Variants in C1QTNF2 observed in about 807,000 individuals in gnomAD.
C1QTNF2 encodes the protein complement C1q tumor necrosis factor-related protein 2.
C1QTNF2 carries 15 observed loss-of-function variants against 17.4 expected under a neutral mutation model. The observed-to-expected ratio is 0.86, with a 90% CI of 0.58 to 1.33. The LOEUF (loss-of-function observed/expected upper bound fraction) is 1.33. Ranked by LOEUF, C1QTNF2 falls within the 40% of genes most tolerant of loss-of-function variation. C1QTNF2 has a pLI of 0.00. For synonymous variants in C1QTNF2, 154 were observed against 163.3 expected, an observed-to-expected ratio of 0.94 and a Z score of 0.44; for missense variants, 381 against 392.3, an observed-to-expected ratio of 0.97 and a Z score of 0.24.
chr5:160,354,596 AAGTATATATATATAT>A (rs1329491603), intron 2 of C1QTNF2, among the ~76,000 whole-genome samples, 157 bp downstream of exon 2: 3 of 49,898 alleles, frequency 6.0e-5, no homozygotes, highest in South Asian at 6.0e-4. Flanking sequence ...AAAAAAAAAA[AAGTATATATATATAT>A]ATATATATAT....
intron 1 of C1QTNF2, chr5:160,355,278 A>G: frequency 4.1e-6 from 4 of 983,736 alleles, no homozygotes; most frequent in Non-Finnish European, 4.8e-6. Context: ...TCATCAGACC[A>G]TCATCTTCCA....
In C1QTNF2 at chr5:160,354,796, G is replaced by A. The variant is rs756923230; in HGVS notation, c.216C>T (p.Asp72=). 13 of 1,613,534 alleles carry A rather than the reference G, an allele frequency of 8.1e-6. No individual in the cohort carries two copies. The African/African-American group carries it at 1.2e-4, about 15-fold the overall frequency. The change falls in exon 2 of 3, where the codon GAC becomes GAT. Residue 72 remains aspartate (D), a synonymous_variant. Coordinates refer to ENST00000652664, the MANE Select transcript of C1QTNF2 (RefSeq NM_031908.6). ...FPGKDGQDGH[D]GDRGDSGEEG... ...CCTCTCCGCTGTCCCCCCGGTCGCCGTCGTGTCCATCTTGGCCGTCTTTGC... is the reference window on the plus strand; with the variant it reads ...CCTCTCCGCTGTCCCCCCGGTCGCCATCGTGTCCATCTTGGCCGTCTTTGC...
chr5:160,363,232 A>C (rs1186145340), intron 1 of C1QTNF2, among the ~76,000 whole-genome samples: 1 of 152,244 alleles, frequency 6.6e-6, no homozygotes, highest in Non-Finnish European at 1.5e-5. Context: ...AGTAAATTGG[A>C]AACAGTCCTC....
In C1QTNF2 at chr5:160,358,649, C is replaced by T. The variant is rs143487128; in HGVS notation, c.-9-3629G>A. 2.0e-4 allele frequency among the ~76,000 whole-genome samples: 30 copies of T among 152,104 alleles called. 1 individual carries two copies. The East Asian group carries it at 5.8e-3, about 29-fold the overall frequency. On this transcript the variant is annotated intron_variant, in intron 1 of 2. Transcript: ENST00000652664. ...ACTCTCAGCTAGCACCTTTTAAATA[C>T]ATTTAGAATCAAGAACTTGGGGAGG...
intron 1 of C1QTNF2, among the ~76,000 whole-genome samples, chr5:160,363,718 G>T (rs529047461): frequency 1.3e-5 from 2 of 152,322 alleles, no homozygotes; most frequent in Non-Finnish European, 2.9e-5. Flanking sequence ...AGCCTCAGCT[G>T]CCTCCTCTGC....
intron 2 of C1QTNF2, among the ~76,000 whole-genome samples, 171 bp downstream of exon 2, chr5:160,354,597 A>AAATATATAT (rs769774870): frequency 1.0e-4 from 9 of 89,292 alleles, no homozygotes; most frequent in African/African-American, 2.9e-4. Context: ...AAAAAAAAAA[A>AAATATATAT]GTATATATAT....
At chr5:160,366,420 A>C (rs2910173) in intron 1 of C1QTNF2, among the ~76,000 whole-genome samples, 1 of 151,980 alleles carries the variant, frequency 6.6e-6, no homozygotes, top group Non-Finnish European at 1.5e-5. Flanking sequence ...AACAAAGAGA[A>C]AGATGATGTC....
Position 160,370,604 on chromosome 5 carries a change from G to C in C1QTNF2, c.-102C>G, listed in dbSNP as rs767209585. On this transcript the variant is annotated 5_prime_UTR_variant, in exon 1 of 3. Transcript: ENST00000652664. ...CGGCTTTCCTCAGCGGCAGCAGCCG[G>C]GCAGAGCGTCGGCCCCAGGCATAGT... The C allele has an allele frequency of 5.5e-6, 8 of 1,449,182 alleles. No homozygotes were observed. The highest frequency in any genetic ancestry group is 7.2e-6 in the Non-Finnish European group (8 of 1,105,024). 89.8% of individuals were successfully genotyped at this position (1,449,182 alleles called of 1,614,324 possible).
intron 2 of C1QTNF2, among the ~76,000 whole-genome samples, 179 bp downstream of exon 2, chr5:160,354,589 A>AAG (rs1763991144): frequency 5.1e-5 from 2 of 38,846 alleles, no homozygotes; most frequent in Non-Finnish European, 1.0e-4. Context: ...AAGGGGAAAA[A>AAG]AAAAAAAAGT....
chr5:160,355,443 T>C (rs71603662), intron 1 of C1QTNF2, among the ~76,000 whole-genome samples: 10,571 of 152,190 alleles, frequency 0.069, 507 homozygotes, highest in Middle Eastern at 0.16. Context: ...TAGGTGACTT[T>C]GCAACTAGTC....
intron 1 of C1QTNF2, chr5:160,355,282 T>C (rs1764028046): frequency 1.0e-6 from 1 of 982,296 alleles, no homozygotes; most frequent in Non-Finnish European, 1.2e-6. Context: ...CAGACCATCA[T>C]CTTCCAGAGT....
intron 1 of C1QTNF2, among the ~76,000 whole-genome samples, chr5:160,355,812 T>C (rs1380355649): frequency 2.1e-5 from 1 of 47,366 alleles, no homozygotes; most frequent in East Asian, 4.6e-4. Flanking sequence ...TTCTTGCGAT[T>C]TTTTTTTAAG....
chr5:160,368,076 T>C (rs1038144378), intron 1 of C1QTNF2, among the ~76,000 whole-genome samples: 12 of 152,302 alleles, frequency 7.9e-5, no homozygotes, highest in South Asian at 2.1e-4. Flanking sequence ...CTCATGTTCC[T>C]CCACCATGGC....
intron 2 of C1QTNF2, among the ~76,000 whole-genome samples, 170 bp downstream of exon 2, chr5:160,354,598 G>GA (rs1561822843): frequency 3.2e-5 from 1 of 30,886 alleles, no homozygotes; most frequent in African/African-American, 1.2e-4. Flanking sequence ...AAAAAAAAAA[G>GA]TATATATATA....
intron 2 of C1QTNF2, among the ~76,000 whole-genome samples, chr5:160,352,532 G>A (rs1763945812): frequency 1.3e-5 from 2 of 152,150 alleles, no homozygotes; most frequent in Non-Finnish European, 2.9e-5. Flanking sequence ...CAGAACAGAT[G>A]GCCAAAGGCA....
At chr5:160,352,501 C>T (rs1489415934) in intron 2 of C1QTNF2, among the ~76,000 whole-genome samples, 1 of 152,200 alleles carries the variant, frequency 6.6e-6, no homozygotes, top group Non-Finnish European at 1.5e-5. Flanking sequence ...GCTTCCTTCT[C>T]TGCAGAGACT....
intron 1 of C1QTNF2, among the ~76,000 whole-genome samples, chr5:160,369,978 A>T (rs549702420): frequency 2.0e-5 from 3 of 152,332 alleles, no homozygotes; most frequent in East Asian, 3.9e-4. Context: ...TCTGTATCAT[A>T]TATTTAAATA....
rs1422364162 is a variant in C1QTNF2, at chr5:160,349,644, G to A, written c.382C>T (p.Pro128Ser). ...GKHGTPGKKGPKGKKGEPGLP... is the reference protein window; with the variant it reads ...GKHGTPGKKGSKGKKGEPGLP... ...CCTGGCTCCCCCTTCTTGCCCTTGGGCCCCTTCTTGCCTGGTGTGCCATGC... is the reference window on the plus strand; with the variant it reads ...CCTGGCTCCCCCTTCTTGCCCTTGGACCCCTTCTTGCCTGGTGTGCCATGC... Residue 128 changes from proline to serine, a missense_variant, in exon 3 of 3, where the codon CCC becomes TCC. Transcript: ENST00000652664. This position sits in a 1 kb window ranked among gnomAD's most constrained non-coding sequence, Gnocchi z 4.3. 3.1e-6 allele frequency: 5 copies of A among 1,613,524 alleles called. No homozygotes were observed. In the African/African-American group the frequency reaches 6.7e-5, roughly 22 times the overall value.
intron 1 of C1QTNF2, among the ~76,000 whole-genome samples, chr5:160,366,851 T>TA (rs202212433): frequency 0.08 from 12,172 of 151,654 alleles, 597 homozygotes; most frequent in Middle Eastern, 0.24. Flanking sequence ...TGGCAAAACC[T>TA]CATCTCTACA....
Sources: gnomAD v4.1 joint callset for allele counts (sites outside exome capture counted in the v4.1 genomes callset) on GRCh38, gnomAD v4.1.1 for gene constraint, Gnocchi (gnomAD v3.1) non-coding constraint, MANE v1.5 for transcripts, NCBI Gene and HGNC (gene_info 2026-07-23, HGNC 2026-07-21) for gene names.